CCDC63: variants seen among roughly 807,000 people sequenced by gnomAD.
CCDC63 encodes coiled-coil domain containing 63, also known as coiled-coil domain-containing protein 63.
Under a neutral mutation model 63.6 loss-of-function variants are expected in CCDC63, and 54 were observed. That is an observed-to-expected ratio of 0.85 (90% CI 0.68 to 1.07). The LOEUF is 1.07. Ranked by LOEUF, CCDC63 falls within the 50% of genes least tolerant of loss-of-function variation. The pLI is 0.00. For synonymous variants in CCDC63, 253 were observed against 266.1 expected (o/e 0.95, Z 0.48); for missense variants, 637 against 689.6 (o/e 0.92, Z 0.86).
intron 9 of CCDC63, among the ~76,000 whole-genome samples, chr12:110,893,830 C>G (rs2071386220): frequency 6.6e-6 from 1 of 152,080 alleles, no homozygotes; most frequent in Non-Finnish European, 1.5e-5. Context: ...AACCCCATCT[C>G]TACTAATAAT....
chr12:110,885,284 GGAGT>G (rs2071265183), intron 8 of CCDC63, among the ~76,000 whole-genome samples: 1 of 152,260 alleles, frequency 6.6e-6, no homozygotes, highest in Admixed American at 6.5e-5. Flanking sequence ...ACAGTTTCGA[GGAGT>G]GAGAACTCAT....
At chr12:110,875,908 A>G (rs949380538) in intron 5 of CCDC63, among the ~76,000 whole-genome samples, 2 of 152,144 alleles carry the variant, frequency 1.3e-5, no homozygotes, top group African/African-American at 2.4e-5. Flanking sequence ...CCTGGCCACC[A>G]TGGTGAAACC....
intron 7 of CCDC63, among the ~76,000 whole-genome samples, chr12:110,882,313 AC>A (rs35227709): frequency 0.21 from 31,574 of 151,820 alleles, 3,472 homozygotes; most frequent in African/African-American, 0.25. Context: ...GGAGTTTGAG[AC>A]TGGCCTGGGC....
intron 9 of CCDC63, among the ~76,000 whole-genome samples, chr12:110,893,564 T>C (rs886715978): frequency 6.6e-6 from 1 of 152,172 alleles, no homozygotes; most frequent in African/African-American, 2.4e-5. Flanking sequence ...GTAATTACCA[T>C]GTACGAGGCG....
intron 8 of CCDC63, among the ~76,000 whole-genome samples, chr12:110,885,749 T>G (rs1317675568): frequency 6.6e-6 from 1 of 152,200 alleles, no homozygotes; most frequent in Non-Finnish European, 1.5e-5. Context: ...GCTTACATGA[T>G]GAGGGGAGCT....
chr12:110,857,936 T>G (rs1456429077), intron 3 of CCDC63, among the ~76,000 whole-genome samples: 2 of 151,776 alleles, frequency 1.3e-5, no homozygotes, highest in African/African-American at 4.8e-5. Context: ...GCGAAACCCG[T>G]CTCTACTAAA....
chr12:110,867,425 C>T (rs2070979132), intron 4 of CCDC63, among the ~76,000 whole-genome samples: 3 of 119,896 alleles, frequency 2.5e-5, no homozygotes, highest in Non-Finnish European at 3.6e-5. Flanking sequence ...CCCTCCCGGA[C>T]GGGGTGGCTG....
intron 7 of CCDC63, among the ~76,000 whole-genome samples, chr12:110,882,404 C>G (rs2071219654): frequency 2.0e-5 from 3 of 152,054 alleles, no homozygotes. Context: ...GTCCCAGCTA[C>G]TCTGGAGACT....
intron 4 of CCDC63, among the ~76,000 whole-genome samples, chr12:110,860,700 C>G (rs761962645): frequency 2.6e-5 from 4 of 152,100 alleles, no homozygotes; most frequent in Non-Finnish European, 4.4e-5. Context: ...ACCAATTCTC[C>G]TGCTTCAGTC....
At chr12:110,847,630 AAAAC>A (rs528814822) in intron 1 of CCDC63, among the ~76,000 whole-genome samples, 64 of 152,244 alleles carry the variant, frequency 4.2e-4, no homozygotes, top group South Asian at 6.2e-4. Context: ...AACAAAAAAC[AAAAC>A]AAACAAACAA....
chr12:110,852,463 T>C (rs1297675694), intron 1 of CCDC63, among the ~76,000 whole-genome samples: 1 of 152,122 alleles, frequency 6.6e-6, no homozygotes, highest in Non-Finnish European at 1.5e-5. Context: ...AGTTTCACCA[T>C]GTTGACCAGG....
intron 10 of CCDC63, among the ~76,000 whole-genome samples, chr12:110,899,403 C>A (rs2136741760): frequency 6.6e-6 from 1 of 152,290 alleles, no homozygotes; most frequent in East Asian, 1.9e-4. Flanking sequence ...ACTGCCATCT[C>A]AACCTACTGG....
chr12:110,901,932 G>T (rs1346795879), intron 10 of CCDC63, among the ~76,000 whole-genome samples: 5 of 152,076 alleles, frequency 3.3e-5, no homozygotes, highest in Non-Finnish European at 5.9e-5. Flanking sequence ...CTGGGTTCAA[G>T]TTATTCTCCT....
At chr12:110,879,789 T>C in intron 5 of CCDC63, 117 bp from the exon 6 acceptor site, 1 of 963,686 alleles carries the variant, frequency 1.0e-6, no homozygotes, top group Non-Finnish European at 1.6e-6. Context: ...CAACCACTCC[T>C]CCATGGCCCT....
chr12:110,902,050 C>G (rs2071495207), intron 10 of CCDC63, among the ~76,000 whole-genome samples: 1 of 152,116 alleles, frequency 6.6e-6, no homozygotes, highest in Non-Finnish European at 1.5e-5. Flanking sequence ...AGGCTGTTCT[C>G]AAACTCCTGA....
intron 3 of CCDC63, among the ~76,000 whole-genome samples, chr12:110,857,281 C>T (rs112189206): frequency 2.0e-5 from 3 of 151,852 alleles, no homozygotes; most frequent in East Asian, 1.9e-4. Flanking sequence ...GCCCACCACC[C>T]CCCCCGGCTA....
intron 4 of CCDC63, among the ~76,000 whole-genome samples, chr12:110,860,629 G>A (rs1336645702): frequency 6.6e-6 from 1 of 151,932 alleles, no homozygotes; most frequent in Non-Finnish European, 1.5e-5. Flanking sequence ...CACTCCTGTC[G>A]CCCAGGCTGG....
rs68137795 is a variant in CCDC63, at chr12:110,861,726, A to ATTT, written c.369+2966_369+2968dup. ...AGTTGGGACTATAGGTGCCTGGCTA[A>ATTT]TTTTTTTTTTTTTTTTTGTACTTTT... On this transcript the variant is annotated intron_variant, in intron 4 of 11. Transcript: ENST00000308208. Among the ~76,000 whole-genome samples, 1,382 of 138,422 alleles carry ATTT rather than the reference A, an allele frequency of 1.0e-2. 8 individuals are homozygous for ATTT. Among genetic ancestry groups the ATTT allele is most frequent in the Non-Finnish European group, 0.014 (908 of 63,566 alleles). 90.8% of individuals were successfully genotyped at this position (138,422 alleles called of 152,430 possible).
chr12:110,859,635 G>A (rs1241775382), intron 4 of CCDC63, among the ~76,000 whole-genome samples: 1 of 151,542 alleles, frequency 6.6e-6, no homozygotes, highest in Admixed American at 6.6e-5. Flanking sequence ...CATGACCCAG[G>A]GGCTCAAAAT....
Sources: allele counts gnomAD v4.1 joint callset (sites outside exome capture counted in the v4.1 genomes callset), GRCh38; gene constraint gnomAD v4.1.1; transcripts MANE v1.5; gene names NCBI Gene and HGNC (gene_info 2026-07-23, HGNC 2026-07-21).